The following GRID1 variants were observed in gnomAD, a reference collection of about 807,000 sequenced individuals.
The protein encoded by GRID1 is glutamate receptor ionotropic, delta-1.
A neutral mutation model predicts 98.0 loss-of-function variants in GRID1; 28 were observed. The observed-to-expected ratio is 0.29, with a 90% CI of 0.21 to 0.39. The LOEUF is 0.39. GRID1 is among the 10% of genes least tolerant of loss of function. GRID1 has a pLI of 1.00. For synonymous variants in GRID1, 553 were observed against 538.5 expected (o/e 1.03, Z -0.37); for missense variants, 1,111 against 1,340.5 (o/e 0.83, Z 2.67).
intron 2 of GRID1, among the ~76,000 whole-genome samples, chr10:86,262,906 C>A (rs946192377): frequency 6.6e-6 from 1 of 152,168 alleles, no homozygotes; most frequent in African/African-American, 2.4e-5. Flanking sequence ...AAGCTCCCTG[C>A]GCGGCGTTCC....
intron 8 of GRID1, among the ~76,000 whole-genome samples, chr10:85,747,898 T>G (rs1409327032): frequency 6.6e-6 from 1 of 152,216 alleles, no homozygotes; most frequent in Non-Finnish European, 1.5e-5. Flanking sequence ...TCAGTACCAG[T>G]AAGTCTTCTT....
chr10:86,209,123 T>A (rs1173841974), intron 2 of GRID1, among the ~76,000 whole-genome samples: 1 of 152,178 alleles, frequency 6.6e-6, no homozygotes, highest in Admixed American at 6.5e-5. Context: ...TCAACATGCA[T>A]GAAAGAAAAA....
chr10:85,836,992 C>G (rs1395807362), intron 8 of GRID1, among the ~76,000 whole-genome samples: 2 of 152,200 alleles, frequency 1.3e-5, no homozygotes, highest in Admixed American at 6.5e-5. Flanking sequence ...CCTGAGCCCA[C>G]AGCAACTCCA....
chr10:85,719,578 A>G (rs1841677216), intron 12 of GRID1, among the ~76,000 whole-genome samples: 1 of 152,222 alleles, frequency 6.6e-6, no homozygotes, highest in South Asian at 2.1e-4. Context: ...CCCACATCAG[A>G]TCTCGTGAGA....
At chr10:86,086,070 G>A (rs1037550365) in intron 4 of GRID1, among the ~76,000 whole-genome samples, 2 of 151,948 alleles carry the variant, frequency 1.3e-5, no homozygotes, top group East Asian at 1.9e-4. Context: ...ATGTCCCCAG[G>A]GCTGACCTAT....
intron 8 of GRID1, among the ~76,000 whole-genome samples, chr10:85,830,155 T>A (rs1179090556): frequency 1.3e-5 from 2 of 151,854 alleles, no homozygotes; most frequent in Non-Finnish European, 2.9e-5. Flanking sequence ...AAGAAAGCCA[T>A]ACACCTGCAA....
intron 4 of GRID1, among the ~76,000 whole-genome samples, chr10:86,001,220 T>C (rs1463287534): frequency 2.6e-5 from 4 of 152,244 alleles, no homozygotes; most frequent in South Asian, 4.2e-4. Flanking sequence ...AAAGGGATAA[T>C]ATAAGGAAAT....
At chr10:85,674,836 C>T (rs907712277) in intron 12 of GRID1, among the ~76,000 whole-genome samples, 13 of 152,050 alleles carry the variant, frequency 8.5e-5, no homozygotes, top group Non-Finnish European at 1.5e-4. Context: ...AAATTATAAC[C>T]AAAGACTCAC....
intron 4 of GRID1, among the ~76,000 whole-genome samples, chr10:86,045,491 C>T (rs944729731): frequency 3.3e-5 from 5 of 152,140 alleles, no homozygotes; most frequent in Admixed American, 6.5e-5. Context: ...CAACAACAGA[C>T]GAGTCACGTC....
intron 4 of GRID1, among the ~76,000 whole-genome samples, chr10:86,076,550 A>C (rs1388091575): frequency 6.6e-6 from 1 of 152,186 alleles, no homozygotes; most frequent in East Asian, 1.9e-4. Flanking sequence ...GTGATGGCGG[A>C]AGCTGGCAAG....
At chr10:86,251,909 G>A (rs1846841230) in intron 2 of GRID1, among the ~76,000 whole-genome samples, 1 of 152,184 alleles carries the variant, frequency 6.6e-6, no homozygotes, top group Non-Finnish European at 1.5e-5. Context: ...CCTCCCCCAT[G>A]GGATAGGCAC....
intron 8 of GRID1, among the ~76,000 whole-genome samples, chr10:85,729,986 G>T (rs994740164): frequency 2.0e-5 from 3 of 152,166 alleles, no homozygotes; most frequent in Non-Finnish European, 2.9e-5. Context: ...ACTTGCCCAG[G>T]CCACAAGGCC....
chr10:85,852,756 T>C (rs1843071723), intron 8 of GRID1, among the ~76,000 whole-genome samples: 1 of 152,152 alleles, frequency 6.6e-6, no homozygotes, highest in African/African-American at 2.4e-5. Context: ...AGACCAATGC[T>C]GACCACTCAT....
intron 12 of GRID1, among the ~76,000 whole-genome samples, chr10:85,652,472 T>C (rs1436995346): frequency 1.3e-5 from 2 of 152,220 alleles, no homozygotes; most frequent in African/African-American, 4.8e-5. Flanking sequence ...AGTCCTATTA[T>C]TCTTCCTTAA....
chr10:86,274,286 C>T (rs1780988798), intron 2 of GRID1, among the ~76,000 whole-genome samples: 3 of 152,310 alleles, frequency 2.0e-5, no homozygotes, highest in Middle Eastern at 3.4e-3. Flanking sequence ...GTTTTGGTAC[C>T]AGTACCATGC....
At chr10:85,701,227 T>C (rs10749528) in intron 12 of GRID1, among the ~76,000 whole-genome samples, 88,902 of 152,012 alleles carry the variant, frequency 0.58, 27,115 homozygotes, top group African/African-American at 0.76. Context: ...CTTCTTATAT[T>C]TACAGAGACA....
rs969109370 is a variant in GRID1 at position 85,930,426 on chromosome 10, T to C, written c.727-14187A>G. Among the ~76,000 whole-genome samples the C allele has an allele frequency of 6.6e-5, 10 of 151,314 alleles. 1 individual carries two copies. Among genetic ancestry groups the C allele is most frequent in the African/African-American group, 2.4e-4 (10 of 41,400 alleles). On this transcript the variant is annotated intron_variant, in intron 4 of 15. Coordinates refer to ENST00000327946, the MANE Select transcript of GRID1 (RefSeq NM_017551.3). ...ATATTATATTTATAATATAATGTAC[T>C]TTTCCAAATGCTCAATGCAACAAAA...
intron 12 of GRID1, among the ~76,000 whole-genome samples, chr10:85,721,847 T>C (rs1422492022): frequency 6.6e-6 from 1 of 152,154 alleles, no homozygotes; most frequent in Non-Finnish European, 1.5e-5. Flanking sequence ...CACATACATA[T>C]ACACAGACAC....
intron 2 of GRID1, among the ~76,000 whole-genome samples, chr10:86,360,857 T>C (rs1337360096): frequency 5.9e-5 from 9 of 152,152 alleles, no homozygotes; most frequent in African/African-American, 1.9e-4. Flanking sequence ...TGAAACTCTT[T>C]AAGCTCCACC....
Sources: gnomAD v4.1 joint callset for allele counts (sites outside exome capture counted in the v4.1 genomes callset) on GRCh38, gnomAD v4.1.1 for gene constraint, MANE v1.5 for transcripts, NCBI Gene and HGNC (gene_info 2026-07-23, HGNC 2026-07-21) for gene names.